EPHA6: variants seen among roughly 807,000 people sequenced by gnomAD.
EPHA6 encodes the protein ephrin type-A receptor 6.
In EPHA6, 50 loss-of-function variants were observed where a neutral mutation model predicts 112.0. The observed-to-expected ratio is 0.45, with a 90% CI of 0.36 to 0.56. EPHA6 has a LOEUF of 0.56. Among genes scored for constraint, EPHA6 ranks in the 20% least tolerant of loss-of-function variants. EPHA6 has a pLI of 0.00. For missense variants in EPHA6, 1,280 were observed against 1,417.4 expected (o/e 0.90, Z 1.56); for synonymous variants, 529 against 490.7 (o/e 1.08, Z -1.03).
chr3:97,005,591 A>G (rs746455019), intron 3 of EPHA6, among the ~76,000 whole-genome samples: 2 of 152,040 alleles, frequency 1.3e-5, no homozygotes, highest in Non-Finnish European at 2.9e-5. Flanking sequence ...CTCCCTTCCT[A>G]TTTGAATACC....
chr3:96,912,682 G>T, intron 2 of EPHA6, among the ~76,000 whole-genome samples: 1 of 152,068 alleles, frequency 6.6e-6, no homozygotes, highest in East Asian at 1.9e-4. Context: ...TGAACTCCTG[G>T]GTTTAAGCAG....
At chr3:97,672,670 GA>G (rs1260548738) in intron 14 of EPHA6, among the ~76,000 whole-genome samples, 2 of 152,106 alleles carry the variant, frequency 1.3e-5, no homozygotes, top group African/African-American at 2.4e-5. Flanking sequence ...AAAAAAGAGA[GA>G]AGGGAGAGGG....
At chr3:96,974,153 G>T (rs2042427785) in intron 2 of EPHA6, among the ~76,000 whole-genome samples, 1 of 145,274 alleles carries the variant, frequency 6.9e-6, no homozygotes, top group Non-Finnish European at 1.5e-5. Flanking sequence ...TATAAATAAT[G>T]TATTAAAATT....
intron 2 of EPHA6, among the ~76,000 whole-genome samples, chr3:96,929,030 T>A (rs1374709769): frequency 2.6e-5 from 4 of 152,174 alleles, no homozygotes; most frequent in Non-Finnish European, 5.9e-5. Context: ...GAGATGAGTC[T>A]CTTGAAGACA....
At chr3:97,204,894 A>G (rs2077675840) in intron 3 of EPHA6, among the ~76,000 whole-genome samples, 1 of 152,146 alleles carries the variant, frequency 6.6e-6, no homozygotes, top group African/African-American at 2.4e-5. Flanking sequence ...AGAGTAATTT[A>G]GAAGATATGA....
At position 97,467,010 on chromosome 3, in the gene EPHA6, G is replaced by A. The variant is rs147154708; in HGVS notation, c.1895-8342G>A. 6.2e-3 allele frequency among the ~76,000 whole-genome samples: 942 copies of A among 151,842 alleles called. 12 individuals carry two copies. The highest frequency in any genetic ancestry group is 0.021 in the African/African-American group (868 of 41,460). ...ATCTTCCTACGATTTTTTCGGTGGA[G>A]AATACCACCCTCCCCCTCTTGTCCT... is the stretch of plus-strand genomic sequence containing the variant. On this transcript the variant is annotated intron_variant, in intron 7 of 17. Coordinates refer to ENST00000389672, the MANE Select transcript of EPHA6 (RefSeq NM_001080448.3).
rs376318279 is a variant in EPHA6, at chr3:97,249,506, A to G, written c.1606+5219A>G. ...CATCTTTTGAGTAATTGAATACTAT[A>G]GGAAAGGACCTCAGACTTTAGAAAT... On this transcript the variant is annotated intron_variant, in intron 5 of 17. Transcript: ENST00000389672. Among the ~76,000 whole-genome samples, 72 of 152,310 alleles carry G rather than the reference A, an allele frequency of 4.7e-4. No homozygotes were observed. The South Asian group carries it at 0.014, about 30-fold the overall frequency.
At chr3:96,836,166 A>T (rs1464517885) in intron 1 of EPHA6, among the ~76,000 whole-genome samples, 5 of 152,080 alleles carry the variant, frequency 3.3e-5, no homozygotes, top group Non-Finnish European at 7.4e-5. Context: ...CAAATCACAA[A>T]ATCACTTTTC....
intron 14 of EPHA6, among the ~76,000 whole-genome samples, chr3:97,678,162 G>T (rs903518072): frequency 6.6e-6 from 1 of 152,126 alleles, no homozygotes; most frequent in African/African-American, 2.4e-5. Context: ...GAAATCTGGT[G>T]CCTTGAGGTT....
intron 2 of EPHA6, among the ~76,000 whole-genome samples, chr3:96,899,592 A>T (rs1413241966): frequency 6.6e-6 from 1 of 152,252 alleles, no homozygotes; most frequent in Non-Finnish European, 1.5e-5. Context: ...AACACCTGAC[A>T]TCTGGGTGAA....
intron 9 of EPHA6, among the ~76,000 whole-genome samples, chr3:97,481,851 A>C (rs73849478): frequency 0.075 from 11,457 of 152,292 alleles, 1,343 homozygotes; most frequent in African/African-American, 0.25. Flanking sequence ...GACTTAACGC[A>C]GGGCAACCTT....
intron 13 of EPHA6, among the ~76,000 whole-genome samples, chr3:97,620,432 T>C (rs1339547553): frequency 6.6e-6 from 1 of 151,926 alleles, no homozygotes; most frequent in East Asian, 1.9e-4. Context: ...CTAATCAAAC[T>C]AAAGAGCTTC....
intron 1 of EPHA6, among the ~76,000 whole-genome samples, chr3:96,851,791 T>C (rs1440168157): frequency 6.6e-6 from 1 of 152,012 alleles, no homozygotes; most frequent in African/African-American, 2.4e-5. Flanking sequence ...TGAAATAAAT[T>C]TAGTACGGCC....
At chr3:97,687,976 CT>C (rs766723803) in intron 14 of EPHA6, among the ~76,000 whole-genome samples, 23 of 152,206 alleles carry the variant, frequency 1.5e-4, no homozygotes, top group Admixed American at 2.0e-4. Flanking sequence ...ACACATGTTG[CT>C]TCCCTTACAT....
chr3:97,131,820 G>T (rs2075632006), intron 3 of EPHA6, among the ~76,000 whole-genome samples: 1 of 152,090 alleles, frequency 6.6e-6, no homozygotes, highest in Admixed American at 6.5e-5. Context: ...AAAGTGTTTG[G>T]ATGTCTATAC....
At chr3:97,221,509 A>G (rs1264601121) in intron 3 of EPHA6, among the ~76,000 whole-genome samples, 1 of 152,090 alleles carries the variant, frequency 6.6e-6, no homozygotes, top group Non-Finnish European at 1.5e-5. Flanking sequence ...AAGTTTATAC[A>G]TCCTATAATA....
intron 2 of EPHA6, among the ~76,000 whole-genome samples, chr3:96,961,630 A>G (rs1007310732): frequency 6.9e-6 from 1 of 144,690 alleles, no homozygotes; most frequent in African/African-American, 2.9e-5. Flanking sequence ...ATAAACTAGC[A>G]CAGCCCTTCT....
intron 2 of EPHA6, among the ~76,000 whole-genome samples, chr3:96,964,358 T>C (rs2042048353): frequency 6.6e-6 from 1 of 152,220 alleles, no homozygotes; most frequent in African/African-American, 2.4e-5. Context: ...CCTTTATTTA[T>C]TATTTAATAC....
chr3:97,443,665 G>A (rs2090221245), intron 6 of EPHA6, among the ~76,000 whole-genome samples: 4 of 152,060 alleles, frequency 2.6e-5, no homozygotes, highest in Admixed American at 2.6e-4. Flanking sequence ...AGCCTGCATG[G>A]ATTTGTTAAC....
Sources: gnomAD v4.1 joint callset for allele counts (sites outside exome capture counted in the v4.1 genomes callset) on GRCh38, gnomAD v4.1.1 for gene constraint, MANE v1.5 for transcripts, NCBI Gene and HGNC (gene_info 2026-07-23, HGNC 2026-07-21) for gene names.